The following FRY variants were observed in gnomAD, a reference collection of about 807,000 sequenced individuals.
FRY encodes FRY microtubule binding protein, also known as protein furry homolog.
In FRY, 128 loss-of-function variants were observed where a neutral mutation model predicts 348.4. The observed-to-expected ratio is 0.37, with a 90% CI of 0.32 to 0.43. FRY has a LOEUF of 0.43. Ranked by LOEUF, FRY falls within the 20% of genes least tolerant of loss-of-function variation. The pLI is 1.00. For synonymous variants in FRY, 1,370 were observed against 1,374.7 expected (o/e 1.00, Z 0.08); for missense variants, 2,736 against 3,695.2 (o/e 0.74, Z 6.73).
chr13:32,234,613 A>C lies in FRY; in HGVS notation c.5567A>C (p.Gln1856Pro). 6.2e-7 allele frequency: 1 copy of C among 1,614,146 alleles called. No individual in the cohort carries two copies. The highest frequency in any genetic ancestry group is 8.5e-7 in the Non-Finnish European group (1 of 1,180,014). Residue 1856 changes from glutamine to proline, a missense_variant, in exon 42 of 61, where the codon CAG (glutamine) becomes CCG (proline). Physicochemically the swap from Gln to Pro is moderately conservative, Grantham distance 76. This residue lies in a region of FRY where 794 missense variants were observed against 977.0 expected (regional missense o/e 0.81). Transcript: ENST00000542859. The part of the protein sequence containing the change: ...LEHQLSEVAL[Q>P]TALASSSRHY... ...CACCAGTTGAGTGAAGTTGCATTGC[A>C]GACAGCCCTCGCAAGCTCTTCAAGG...
chr13:32,139,939 T>C (rs2138794717), intron 11 of FRY, among the ~76,000 whole-genome samples: 1 of 152,112 alleles, frequency 6.6e-6, no homozygotes, highest in East Asian at 1.9e-4. Flanking sequence ...GAGAAAAAAA[T>C]TAAAAATTTA....
chr13:32,124,590 T>A lies in FRY; in HGVS notation c.556-12T>A. The A allele has an allele frequency of 1.3e-6, 2 of 1,489,336 alleles. No homozygotes were observed. Among genetic ancestry groups the A allele is most frequent in the Admixed American group, 1.7e-5 (1 of 59,292 alleles). 92.3% of individuals were successfully genotyped at this position (1,489,336 alleles called of 1,614,324 possible). A position where few individuals can be genotyped will look rare whatever the true frequency, so the allele number is the denominator to read the frequency against. ...ATTCCCTTCTGAGTTAAGAACCACC[T>A]TTTTTTTTCAGATTCCACTTCATCC... On this transcript the variant is annotated splice_polypyrimidine_tract_variant and intron_variant, in intron 5 of 60. Coordinates refer to ENST00000542859, the MANE Select transcript of FRY (RefSeq NM_023037.3).
intron 35 of FRY, among the ~76,000 whole-genome samples, chr13:32,214,487 TAGTGTAGACAGTTCTTCTTCC>T (rs1332800376): frequency 6.6e-6 from 1 of 152,218 alleles, no homozygotes; most frequent in Non-Finnish European, 1.5e-5. Flanking sequence ...GCTATTGTGT[TAGTGTAGACAGTTCTTCTTCC>T]AGTGTGGCCC....
chr13:32,236,999 A>G (rs1886260118), intron 43 of FRY, among the ~76,000 whole-genome samples: 1 of 152,230 alleles, frequency 6.6e-6, no homozygotes, highest in African/African-American at 2.4e-5. Context: ...TCTGGATAGC[A>G]TAATTCCCAT....
chr13:32,275,420 T>C (rs17692058), intron 56 of FRY, among the ~76,000 whole-genome samples: 1 of 152,002 alleles, frequency 6.6e-6, no homozygotes, highest in Admixed American at 6.6e-5. Context: ...CCTTCAGTGT[T>C]GTGAGCAGCA....
At chr13:32,167,856 T>A (rs1308679864) in intron 17 of FRY, among the ~76,000 whole-genome samples, 1 of 152,192 alleles carries the variant, frequency 6.6e-6, no homozygotes, top group Non-Finnish European at 1.5e-5. Context: ...CATAAACTAG[T>A]GTTTTCAAAC....
Position 32,175,519 on chromosome 13 carries a change from G to A in FRY, c.2335-27G>A, listed in dbSNP as rs1165952802. On this transcript the variant is annotated intron_variant, in intron 19 of 60. Transcript: ENST00000542859. ...GGTGGGGAGGATTCATTTTCCCATA[G>A]AGAGTAATCGCCTCCCCTTTGTACA... The A allele has an allele frequency of 4.2e-6, 6 of 1,414,174 alleles. 1 individual carries two copies. The South Asian group carries it at 4.6e-5, about 11-fold the overall frequency. The allele number at this position is 1,414,174 out of a possible 1,614,324, so 87.6% of individuals were successfully genotyped here. A position where few individuals can be genotyped will look rare whatever the true frequency, so the allele number is the denominator to read the frequency against.
chr13:32,128,269 C>T (rs77949769), intron 7 of FRY, among the ~76,000 whole-genome samples: 7,321 of 152,234 alleles, frequency 0.048, 177 homozygotes, highest in Middle Eastern at 0.078. Flanking sequence ...ATAGCCCCTT[C>T]ATTCTCTGAT....
At position 32,239,965 on chromosome 13, in the gene FRY, C is replaced by G; in HGVS notation, c.6687+84C>G. 8.9e-7 allele frequency: 1 copy of G among 1,128,740 alleles called. No homozygotes were observed. The highest frequency in any genetic ancestry group is 1.3e-6 in the Non-Finnish European group (1 of 769,608). 69.9% of individuals were successfully genotyped at this position (1,128,740 alleles called of 1,614,324 possible). A position where few individuals can be genotyped will look rare whatever the true frequency, so the allele number is the denominator to read the frequency against. On this transcript the variant is annotated intron_variant, in intron 46 of 60. Transcript: ENST00000542859. The surrounding 1 kb of genome is among the most constrained non-coding windows in gnomAD (Gnocchi z 4.3). ...TCAACTCTTGGGCTCAAGCAGTCCT[C>G]CTGCCTTCGCCTCCCAGAGTGCTAG...
intron 31 of FRY, among the ~76,000 whole-genome samples, chr13:32,202,897 C>T (rs1453600759): frequency 2.0e-5 from 3 of 150,180 alleles, no homozygotes; most frequent in Non-Finnish European, 4.4e-5. Context: ...TGCAGTGAGC[C>T]GAGATTGCGC....
At chr13:32,146,337 T>A (rs1182096139) in intron 11 of FRY, among the ~76,000 whole-genome samples, 1 of 152,120 alleles carries the variant, frequency 6.6e-6, no homozygotes, top group Admixed American at 6.5e-5. Context: ...TGTTTTTGTT[T>A]TTGTTTCTGT....
In FRY at chr13:32,032,003, T is replaced by TTC. The variant is rs1872256826; in HGVS notation, c.70+140_70+141dup. On this transcript the variant is annotated intron_variant, in intron 1 of 60. Transcript: ENST00000542859. Reference sequence around the variant, plus strand: ...TTTTTTCTTTTCTTTTCTTTTCTCTTTCTTTCTTTCTTTCTTTCTTTTTCT... The same window carrying TTC: ...TTTTTTCTTTTCTTTTCTTTTCTCTTTCTCTTTCTTTCTTTCTTTCTTTTTCT... The TTC allele has an allele frequency of 4.9e-6, 3 of 610,028 alleles. No homozygotes were observed. In the East Asian group the frequency reaches 8.5e-5, roughly 17 times the overall value. The allele number at this position is 610,028 out of a possible 1,614,324, so 37.8% of individuals were successfully genotyped here.
intron 17 of FRY, among the ~76,000 whole-genome samples, chr13:32,164,879 A>C (rs1263477649): frequency 6.6e-6 from 1 of 152,218 alleles, no homozygotes; most frequent in Non-Finnish European, 1.5e-5. Context: ...TTTCACTAGG[A>C]GTCCACAGGC....
At position 32,254,382 on chromosome 13, in the gene FRY, G is replaced by A. The variant is rs760126623; in HGVS notation, c.7404G>A (p.Leu2468=). The A allele has an allele frequency of 2.0e-5, 33 of 1,613,828 alleles. No homozygotes were observed. The highest frequency in any genetic ancestry group is 2.8e-5 in the Non-Finnish European group (33 of 1,179,850). Residue 2468 remains leucine (L), a synonymous_variant, in exon 51 of 61, where the codon CTG becomes CTA. Transcript: ENST00000542859. ...ACTTCGACTTCCTAGATGTGGAGCT[G>A]GAGGATGGAGAGGTACGGTGTATTC... ...FRDFDFLDVE[L]EDGEGESMDN...
In FRY at chr13:32,178,893, T is replaced by C. The variant is rs1882531028; in HGVS notation, c.2731T>C (p.Tyr911His). Reference protein sequence around the residue: ...KTSTAGSGDNYVTLWRNYLIL... With the variant: ...KTSTAGSGDNHVTLWRNYLIL... ...CAGCACTGCCGGCAGCGGAGACAAC[T>C]ATGTTACTTTGTGGAGAAATTACCT... Residue 911 changes from tyrosine to histidine, a missense_variant, in exon 22 of 61, where the codon TAT (tyrosine) becomes CAT (histidine). By Grantham distance (83) the Tyr-to-His change is moderately conservative. Coordinates refer to ENST00000542859, the MANE Select transcript of FRY (RefSeq NM_023037.3). 1.2e-6 allele frequency: 2 copies of C among 1,613,664 alleles called. No homozygotes were observed. The highest frequency in any genetic ancestry group is 1.3e-5 in the African/African-American group (1 of 74,918).
chr13:32,266,702 T>G (rs1212352622), intron 54 of FRY, among the ~76,000 whole-genome samples: 1 of 152,156 alleles, frequency 6.6e-6, no homozygotes, highest in East Asian at 1.9e-4. Context: ...CGTGACCTCT[T>G]GCCAGGTGCG....
chr13:32,179,850 G>A lies in FRY; in HGVS notation c.2996+51G>A, dbSNP rs781737732. ...TAAATTCATACATGCTGCTGCTATTGTAGTTCCTTTATTAACTCAGATTTG... is the reference window on the plus strand; with the variant it reads ...TAAATTCATACATGCTGCTGCTATTATAGTTCCTTTATTAACTCAGATTTG... On this transcript the variant is annotated intron_variant, in intron 23 of 60. Coordinates refer to ENST00000542859, the MANE Select transcript of FRY (RefSeq NM_023037.3). The A allele has an allele frequency of 3.8e-6, 6 of 1,570,848 alleles. No homozygotes were observed. The African/African-American group carries it at 6.8e-5, about 18-fold the overall frequency.
chr13:32,257,233 C>A (rs1217210903), intron 51 of FRY, among the ~76,000 whole-genome samples: 1 of 152,202 alleles, frequency 6.6e-6, no homozygotes, highest in Non-Finnish European at 1.5e-5. Flanking sequence ...TGTATAGTGT[C>A]TAGCAAAGTG....
intron 27 of FRY, among the ~76,000 whole-genome samples, chr13:32,187,035 C>A (rs1416005515): frequency 1.3e-5 from 2 of 152,096 alleles, no homozygotes; most frequent in Non-Finnish European, 2.9e-5. Flanking sequence ...CCACCCACCC[C>A]TTTAGAGGAA....
Sources: gnomAD v4.1 joint callset for allele counts (sites outside exome capture counted in the v4.1 genomes callset) on GRCh38, gnomAD v4.1.1 for gene constraint, gnomAD v4.1.1 regional missense constraint, Gnocchi (gnomAD v3.1) non-coding constraint, MANE v1.5 for transcripts, NCBI Gene and HGNC (gene_info 2026-07-23, HGNC 2026-07-21) for gene names.